Variants in NCOA2 observed in about 807,000 individuals in gnomAD.
NCOA2 encodes class E basic helix-loop-helix protein 75.
NCOA2 carries 21 observed loss-of-function variants against 145.1 expected under a neutral mutation model. That is an observed-to-expected ratio of 0.14 (90% CI 0.10 to 0.21). NCOA2 has a LOEUF of 0.21. Ranked by LOEUF, NCOA2 falls within the 10% of genes least tolerant of loss-of-function variation. The pLI, the probability that NCOA2 is intolerant of heterozygous loss-of-function variation, is 1.00. For synonymous variants in NCOA2, 619 were observed against 637.5 expected (o/e 0.97, Z 0.44); for missense variants, 1,472 against 1,837.6 (o/e 0.80, Z 3.64).
At chr8:70,205,007 C>CA (rs927566240) in intron 4 of NCOA2, among the ~76,000 whole-genome samples, 76 of 151,998 alleles carry the variant, frequency 5.0e-4, no homozygotes, top group African/African-American at 1.8e-3. Flanking sequence ...GACCTTGTCT[C>CA]AAAAAAAGAA....
chr8:70,170,808 G>A (rs1396712510), intron 5 of NCOA2, among the ~76,000 whole-genome samples: 14 of 152,128 alleles, frequency 9.2e-5, no homozygotes, highest in Admixed American at 9.2e-4. Flanking sequence ...TGAGAGAAAG[G>A]GGTCATAATT....
At chr8:70,439,183 C>A in the NCOA2 span, among the ~76,000 whole-genome samples, 5 of 152,298 alleles carry the variant, frequency 3.3e-5, no homozygotes, top group African/African-American at 4.8e-5. Context: ...ATGTCTCTTG[C>A]TATGCCCAGT....
At chr8:70,163,301 A>G (rs556127019) in intron 8 of NCOA2, among the ~76,000 whole-genome samples, 164 bp downstream of exon 8, 2 of 152,306 alleles carry the variant, frequency 1.3e-5, no homozygotes, top group Non-Finnish European at 2.9e-5. Flanking sequence ...ATACAGTGAG[A>G]GCCAGTGGCT....
At chr8:70,403,623 G>GA (rs1814597644) in intron 1 of NCOA2, 77 bp downstream of exon 1, 1 of 339,528 alleles carries the variant, frequency 2.9e-6, no homozygotes, top group South Asian at 1.4e-4. Context: ...GTCGCGGCCG[G>GA]GGGTGGGGAC....
rs531813634 is a variant in NCOA2, at chr8:70,387,563, G to A, written c.-77+16137C>T. Among the ~76,000 whole-genome samples the A allele has an allele frequency of 2.6e-5, 4 of 152,176 alleles. No homozygotes were observed. In the East Asian group the frequency reaches 5.8e-4, roughly 22 times the overall value. On this transcript the variant is annotated intron_variant, in intron 1 of 22. Transcript: ENST00000452400. The stretch of plus-strand genomic sequence containing the variant: ...ACAGACAGATGGTGGCTCCCAACAC[G>A]ACTGCAATCTCTTATCCCACATGCT...
intron 2 of NCOA2, among the ~76,000 whole-genome samples, chr8:70,285,061 T>C (rs1445927201): frequency 6.6e-6 from 1 of 152,196 alleles, no homozygotes; most frequent in Non-Finnish European, 1.5e-5. Flanking sequence ...CCATCTGATG[T>C]AGCTACAGGT....
At chr8:70,420,826 G>T in the NCOA2 span, among the ~76,000 whole-genome samples, 1 of 152,040 alleles carries the variant, frequency 6.6e-6, no homozygotes, top group Non-Finnish European at 1.5e-5. Context: ...TGTATTTTTA[G>T]TAGAGACGGG....
chr8:70,204,708 G>T (rs990681806), intron 4 of NCOA2, among the ~76,000 whole-genome samples: 3 of 152,220 alleles, frequency 2.0e-5, no homozygotes, highest in South Asian at 4.1e-4. Context: ...ACCGCTGCAG[G>T]TGGCTGGGTG....
At chr8:70,324,999 T>A (rs1216971040) in intron 1 of NCOA2, among the ~76,000 whole-genome samples, 5 of 152,256 alleles carry the variant, frequency 3.3e-5, no homozygotes, top group Admixed American at 6.5e-5. Flanking sequence ...TAATATTTTT[T>A]AATTTATTTC....
At chr8:70,260,203 G>C (rs1408388472) in intron 2 of NCOA2, among the ~76,000 whole-genome samples, 2 of 152,042 alleles carry the variant, frequency 1.3e-5, no homozygotes, top group Non-Finnish European at 2.9e-5. Flanking sequence ...TTTGAGACAG[G>C]GTCTCGGTCT....
intron 1 of NCOA2, among the ~76,000 whole-genome samples, chr8:70,398,462 AAATAAT>A (rs774840164): frequency 6.6e-6 from 1 of 152,066 alleles, no homozygotes; most frequent in African/African-American, 2.4e-5. Flanking sequence ...CCATATCTCA[AAATAAT>A]AATAATAATA....
At chr8:70,307,423 G>C (rs1472158363) in intron 1 of NCOA2, among the ~76,000 whole-genome samples, 1 of 152,144 alleles carries the variant, frequency 6.6e-6, no homozygotes, top group Non-Finnish European at 1.5e-5. Context: ...TCTTCAAACT[G>C]GGGGTCCCAG....
At chr8:70,136,713 C>T (rs886627471) in intron 15 of NCOA2, among the ~76,000 whole-genome samples, 2 of 152,086 alleles carry the variant, frequency 1.3e-5, no homozygotes, top group Non-Finnish European at 2.9e-5. Context: ...AACCTGGTTC[C>T]TAAATATTAA....
chr8:70,344,398 C>A (rs1021947372), intron 1 of NCOA2, among the ~76,000 whole-genome samples: 2 of 152,214 alleles, frequency 1.3e-5, no homozygotes, highest in Admixed American at 1.3e-4. Context: ...GTTCTCAGCC[C>A]AAGCCAGCCT....
chr8:70,271,841 A>G (rs1825072548), intron 2 of NCOA2, among the ~76,000 whole-genome samples: 1 of 152,216 alleles, frequency 6.6e-6, no homozygotes, highest in African/African-American at 2.4e-5. Flanking sequence ...CCTTCTACAC[A>G]TTAAACTAAC....
At chr8:70,160,095 G>A (rs1563545963) in intron 9 of NCOA2, among the ~76,000 whole-genome samples, 1 of 152,110 alleles carries the variant, frequency 6.6e-6, no homozygotes, top group African/African-American at 2.4e-5. Flanking sequence ...TAAAATTTAT[G>A]ACATTTAATA....
At chr8:70,360,527 G>C (rs1178999952) in intron 1 of NCOA2, among the ~76,000 whole-genome samples, 1 of 152,056 alleles carries the variant, frequency 6.6e-6, no homozygotes, top group Non-Finnish European at 1.5e-5. Flanking sequence ...TTATGTTCAT[G>C]GTTATTTCAT....
intron 15 of NCOA2, among the ~76,000 whole-genome samples, chr8:70,132,620 A>G (rs913080137): frequency 2.0e-5 from 3 of 152,246 alleles, no homozygotes; most frequent in Non-Finnish European, 4.4e-5. Flanking sequence ...GCTGGAGTGC[A>G]GTGGTGTGAT....
intron 7 of NCOA2, 54 bp from the exon 8 acceptor site, chr8:70,163,620 C>A (rs1196219199): frequency 7.3e-7 from 1 of 1,364,978 alleles, no homozygotes; most frequent in Admixed American, 1.8e-5. Flanking sequence ...GTGATTCAAA[C>A]AAACCCAAGT....
Sources: gnomAD v4.1 joint callset for allele counts (sites outside exome capture counted in the v4.1 genomes callset) on GRCh38, gnomAD v4.1.1 for gene constraint, MANE v1.5 for transcripts, NCBI Gene and HGNC (gene_info 2026-07-23, HGNC 2026-07-21) for gene names.